GPHN: variants seen among roughly 807,000 people sequenced by gnomAD.
The protein encoded by GPHN is gephyrin.
GPHN carries 17 observed loss-of-function variants against 95.5 expected under a neutral mutation model. The ratio of observed to expected loss-of-function variants is 0.18; its 90% confidence interval spans 0.12 to 0.27. The LOEUF is 0.27. Ranked by LOEUF, GPHN falls within the 10% of genes least tolerant of loss-of-function variation. GPHN has a pLI of 1.00. For missense variants in GPHN, 660 were observed against 978.1 expected, an observed-to-expected ratio of 0.67 and a Z score of 4.34; for synonymous variants, 320 against 322.5, an observed-to-expected ratio of 0.99 and a Z score of 0.08.
chr14:67,139,507 C>T (rs1392692610), intron 17 of GPHN, among the ~76,000 whole-genome samples: 1 of 152,144 alleles, frequency 6.6e-6, no homozygotes, highest in Non-Finnish European at 1.5e-5. Flanking sequence ...TCTGATTAGG[C>T]AGGGAGTGGA....
the GPHN span, chr14:67,642,270 G>A: frequency 6.2e-6 from 10 of 1,613,990 alleles, no homozygotes; most frequent in African/African-American, 5.3e-5. Flanking sequence ...GTGAATCCAC[G>A]CTCAGTGGGT....
intron 8 of GPHN, among the ~76,000 whole-genome samples, chr14:66,941,192 A>T (rs1217423233): frequency 6.6e-6 from 1 of 152,220 alleles, no homozygotes; most frequent in Non-Finnish European, 1.5e-5. Flanking sequence ...CTAGGAGTTT[A>T]GAATGTAATG....
At chr14:67,690,399 C>A in the GPHN span, 1 of 1,613,996 alleles carries the variant, frequency 6.2e-7, no homozygotes, top group Non-Finnish European at 8.5e-7. Context: ...TCTCTAGCAG[C>A]AGATGGGTTA....
At chr14:67,150,323 C>A (rs1372630030) in intron 18 of GPHN, among the ~76,000 whole-genome samples, 2 of 149,478 alleles carry the variant, frequency 1.3e-5, no homozygotes, top group Admixed American at 6.6e-5. Context: ...CGCCTGTAGT[C>A]CTAGCTACTT....
At chr14:67,561,825 G>T in the GPHN span, 1 of 685,298 alleles carries the variant, frequency 1.5e-6, no homozygotes, top group South Asian at 1.9e-5. Context: ...AGCCAAAATT[G>T]CTCCACTGCA....
chr14:67,328,023 G>T, the GPHN span, among the ~76,000 whole-genome samples: 1 of 152,314 alleles, frequency 6.6e-6, no homozygotes, highest in East Asian at 1.9e-4. Flanking sequence ...GGGTCAAATG[G>T]TATTTCTAGT....
At chr14:67,562,633 GC>G in the GPHN span, 1 of 1,613,004 alleles carries the variant, frequency 6.2e-7, no homozygotes, top group Non-Finnish European at 8.5e-7. Flanking sequence ...ACCACAGCCA[GC>G]CCCAGGTGGG....
intron 1 of GPHN, among the ~76,000 whole-genome samples, chr14:66,611,661 C>G (rs1026502563): frequency 6.6e-6 from 1 of 152,132 alleles, no homozygotes; most frequent in Non-Finnish European, 1.5e-5. Context: ...GTTTTCTCAG[C>G]ATTATTTTGT....
chr14:67,339,292 C>T, the GPHN span, among the ~76,000 whole-genome samples: 2 of 152,214 alleles, frequency 1.3e-5, no homozygotes. Context: ...CCACCGAGCC[C>T]AGCCTAGAAG....
Position 66,994,897 on chromosome 14 carries a change from G to A in GPHN, c.964-28736G>A, listed in dbSNP as rs189042985. Among the ~76,000 whole-genome samples, 361 of 152,184 alleles carry A rather than the reference G, an allele frequency of 2.4e-3. 2 individuals are homozygous for A. The highest frequency in any genetic ancestry group is 3.3e-3 in the Admixed American group (51 of 15,280). On this transcript the variant is annotated intron_variant, in intron 9 of 22. Transcript: ENST00000478722. ...AAAAATTCTGAGCATTATTTCATCAGTTCAGTTTTTTAAGATAGAAGAAAA... is the reference window on the plus strand; with the variant it reads ...AAAAATTCTGAGCATTATTTCATCAATTCAGTTTTTTAAGATAGAAGAAAA...
At chr14:66,617,879 T>C (rs1469305283) in intron 1 of GPHN, among the ~76,000 whole-genome samples, 1 of 152,206 alleles carries the variant, frequency 6.6e-6, no homozygotes, top group Admixed American at 6.5e-5. Flanking sequence ...ATATATTTTG[T>C]AATAACTGGC....
chr14:67,326,394 C>G, the GPHN span, among the ~76,000 whole-genome samples: 8 of 151,720 alleles, frequency 5.3e-5, no homozygotes, highest in East Asian at 5.8e-4. Flanking sequence ...ATTTTTAAAG[C>G]AGGAAGTTGA....
At chr14:66,927,898 A>G (rs769406169) in intron 8 of GPHN, among the ~76,000 whole-genome samples, 1 of 152,224 alleles carries the variant, frequency 6.6e-6, no homozygotes, top group Non-Finnish European at 1.5e-5. Context: ...GCACTTGGTC[A>G]TGATGAATGA....
chr14:67,393,224 A>T, the GPHN span: 1 of 1,613,726 alleles, frequency 6.2e-7, no homozygotes, highest in Non-Finnish European at 8.5e-7. Context: ...GCTATCGTGC[A>T]TCTTGTCCAC....
intron 1 of GPHN, among the ~76,000 whole-genome samples, chr14:66,601,839 C>T (rs1306080279): frequency 2.0e-5 from 3 of 151,846 alleles, no homozygotes; most frequent in African/African-American, 7.2e-5. Flanking sequence ...TTGTAATATA[C>T]TCATCATGTT....
intron 19 of GPHN, among the ~76,000 whole-genome samples, chr14:67,163,866 CTA>C (rs1287233431): frequency 6.6e-6 from 1 of 151,784 alleles, no homozygotes. Flanking sequence ...AAAAAAAACA[CTA>C]TTCTCAACTG....
the GPHN span, among the ~76,000 whole-genome samples, chr14:67,682,228 G>C: frequency 6.6e-6 from 1 of 152,168 alleles, no homozygotes; most frequent in Admixed American, 6.5e-5. Flanking sequence ...TGATTTCTTA[G>C]ATATGACTGC....
chr14:67,301,523 T>A, the GPHN span: 2 of 1,280,360 alleles, frequency 1.6e-6, no homozygotes, highest in Admixed American at 1.9e-5. Flanking sequence ...TCTATTTTTT[T>A]AAATCAAAGA....
rs187467870 is a variant in GPHN, at chr14:66,978,485, A to G, written c.963+13160A>G. Reference sequence around the variant, plus strand: ...TTTACCAGGAGTAGATTTCATCTCAAGGAACTCCTTTCTTTGTTCCTTCAT... The same window carrying G: ...TTTACCAGGAGTAGATTTCATCTCAGGGAACTCCTTTCTTTGTTCCTTCAT... On this transcript the variant is annotated intron_variant, in intron 9 of 22. Coordinates refer to ENST00000478722, the MANE Select transcript of GPHN (RefSeq NM_020806.5). 3.5e-3 allele frequency among the ~76,000 whole-genome samples: 530 copies of G among 152,342 alleles called. 1 individual carries two copies. The highest frequency in any genetic ancestry group is 5.6e-3 in the Non-Finnish European group (379 of 68,032).
Sources: allele counts gnomAD v4.1 joint callset (sites outside exome capture counted in the v4.1 genomes callset), GRCh38; gene constraint gnomAD v4.1.1; transcripts MANE v1.5; gene names NCBI Gene and HGNC (gene_info 2026-07-23, HGNC 2026-07-21).